The following LHFPL6 variants were observed in gnomAD, a reference collection of about 807,000 sequenced individuals.
LHFPL6 encodes LHFPL tetraspan subfamily member 6, also known as LHFPL tetraspan subfamily member 6 protein.
In LHFPL6, 9 loss-of-function variants were observed where a neutral mutation model predicts 20.6. The ratio of observed to expected loss-of-function variants is 0.44; its 90% CI spans 0.26 to 0.76. LHFPL6 has a LOEUF of 0.76. LHFPL6 is among the 30% of genes least tolerant of loss of function. The pLI is 0.20. For missense variants in LHFPL6, 218 were observed against 253.5 expected, an observed-to-expected ratio of 0.86 and a Z score of 0.95; for synonymous variants, 105 against 98.7, an observed-to-expected ratio of 1.06 and a Z score of -0.38.
chr13:39,418,517 T>C (rs1354689725), intron 2 of LHFPL6, among the ~76,000 whole-genome samples: 2 of 151,448 alleles, frequency 1.3e-5, no homozygotes, highest in East Asian at 2.0e-4. Context: ...CTCCTAACAA[T>C]GCAAGTAGCG....
At chr13:39,393,933 A>G (rs1443510744) in intron 2 of LHFPL6, among the ~76,000 whole-genome samples, 1 of 151,864 alleles carries the variant, frequency 6.6e-6, no homozygotes, top group Non-Finnish European at 1.5e-5. Context: ...TGTAAGTCCA[A>G]ATTTCCTTTC....
At chr13:39,506,069 T>C (rs543729056) in intron 2 of LHFPL6, among the ~76,000 whole-genome samples, 1 of 152,146 alleles carries the variant, frequency 6.6e-6, no homozygotes, top group Non-Finnish European at 1.5e-5. Context: ...AAGAACTATC[T>C]CTTTTTACAG....
chr13:39,531,264 A>C (rs1408859993), intron 2 of LHFPL6, among the ~76,000 whole-genome samples: 1 of 152,190 alleles, frequency 6.6e-6, no homozygotes, highest in Non-Finnish European at 1.5e-5. Flanking sequence ...TTCTGAATAT[A>C]TTGCATGTCA....
chr13:39,457,998 T>G (rs987350726), intron 2 of LHFPL6, among the ~76,000 whole-genome samples: 1 of 152,152 alleles, frequency 6.6e-6, no homozygotes, highest in African/African-American at 2.4e-5. Flanking sequence ...TTCACCACTA[T>G]GAATATCATC....
chr13:39,525,407 T>C (rs1356565100), intron 2 of LHFPL6, among the ~76,000 whole-genome samples: 1 of 152,154 alleles, frequency 6.6e-6, no homozygotes, highest in Non-Finnish European at 1.5e-5. Flanking sequence ...TAAAAATATC[T>C]TTTGTCGTAA....
At chr13:39,592,676 G>T (rs1872647958) in intron 2 of LHFPL6, among the ~76,000 whole-genome samples, 1 of 152,102 alleles carries the variant, frequency 6.6e-6, no homozygotes, top group South Asian at 2.1e-4. Flanking sequence ...CAAAAAAAGA[G>T]AATTTTAGAC....
At chr13:39,557,868 G>A (rs1871355663) in intron 2 of LHFPL6, among the ~76,000 whole-genome samples, 1 of 152,176 alleles carries the variant, frequency 6.6e-6, no homozygotes. Context: ...TTCTTGCCCA[G>A]TTAGTTTATG....
At chr13:39,540,435 G>A (rs956059186) in intron 2 of LHFPL6, among the ~76,000 whole-genome samples, 6 of 151,744 alleles carry the variant, frequency 4.0e-5, no homozygotes, top group East Asian at 1.9e-4. Flanking sequence ...TATCCACCTC[G>A]GGACACAATA....
intron 2 of LHFPL6, among the ~76,000 whole-genome samples, chr13:39,532,251 A>G (rs1168843037): frequency 1.3e-5 from 2 of 152,104 alleles, no homozygotes; most frequent in East Asian, 1.9e-4. Context: ...AAAAACCCTT[A>G]GTGGTTCCCA....
At chr13:39,593,044 C>G (rs1175875598) in intron 2 of LHFPL6, among the ~76,000 whole-genome samples, 5 of 152,136 alleles carry the variant, frequency 3.3e-5, no homozygotes, top group Non-Finnish European at 5.9e-5. Context: ...TGGAAGCATT[C>G]CCTTTGAAAA....
At chr13:39,394,058 C>T (rs1272421108) in intron 2 of LHFPL6, among the ~76,000 whole-genome samples, 3 of 152,118 alleles carry the variant, frequency 2.0e-5, no homozygotes, top group Non-Finnish European at 2.9e-5. Context: ...CCTCTGGCCT[C>T]GCCTCCCATA....
intron 2 of LHFPL6, among the ~76,000 whole-genome samples, chr13:39,590,399 T>G (rs926289578): frequency 2.0e-5 from 3 of 152,216 alleles, no homozygotes; most frequent in Admixed American, 6.5e-5. Context: ...TCAAACATAC[T>G]TGTCCCTAAA....
At chr13:39,550,326 TGTG>T (rs931305164) in intron 2 of LHFPL6, among the ~76,000 whole-genome samples, 64 of 152,164 alleles carry the variant, frequency 4.2e-4, no homozygotes, top group African/African-American at 1.2e-3. Context: ...ATATCTTGGT[TGTG>T]GTGGGGGTTA....
intron 2 of LHFPL6, among the ~76,000 whole-genome samples, chr13:39,520,588 A>G (rs527919048): frequency 4.2e-4 from 64 of 152,296 alleles, no homozygotes; most frequent in African/African-American, 1.5e-3. Context: ...CAGGAAAAGA[A>G]AGCAGGACTC....
chr13:39,350,202 GT>G (rs1018268378), intron 3 of LHFPL6, among the ~76,000 whole-genome samples: 3 of 152,088 alleles, frequency 2.0e-5, no homozygotes, highest in African/African-American at 7.2e-5. Context: ...TATTACACAT[GT>G]TTTGTAGAAA....
intron 2 of LHFPL6, among the ~76,000 whole-genome samples, chr13:39,413,139 A>G (rs1871271970): frequency 6.6e-6 from 1 of 152,208 alleles, no homozygotes; most frequent in Non-Finnish European, 1.5e-5. Context: ...GCTAAGTGAA[A>G]TACAACATAT....
chr13:39,399,687 A>C (rs1397512163), intron 2 of LHFPL6, among the ~76,000 whole-genome samples: 1 of 152,230 alleles, frequency 6.6e-6, no homozygotes, highest in East Asian at 1.9e-4. Flanking sequence ...TGTTATGACT[A>C]ATATTGCCTC....
At chr13:39,557,176 C>A (rs975793705) in intron 2 of LHFPL6, among the ~76,000 whole-genome samples, 4 of 152,234 alleles carry the variant, frequency 2.6e-5, no homozygotes, top group African/African-American at 9.6e-5. Context: ...CCACTCCCAT[C>A]ACAAACCCAG....
intron 2 of LHFPL6, among the ~76,000 whole-genome samples, chr13:39,500,498 C>T (rs1004204938): frequency 6.6e-5 from 10 of 152,116 alleles, no homozygotes; most frequent in Non-Finnish European, 1.0e-4. Flanking sequence ...AGCGATCCTC[C>T]CACCTCCCAG....
Sources: allele counts gnomAD v4.1 joint callset (sites outside exome capture counted in the v4.1 genomes callset), GRCh38; gene constraint gnomAD v4.1.1; transcripts MANE v1.5; gene names NCBI Gene and HGNC (gene_info 2026-07-23, HGNC 2026-07-21).